NEK7: variants seen among roughly 807,000 people sequenced by gnomAD.
NEK7 encodes serine/threonine-protein kinase Nek7.
Under a neutral mutation model 44.6 loss-of-function variants are expected in NEK7, and 18 were observed. That is an observed-to-expected ratio of 0.40 (90% CI 0.28 to 0.60). NEK7 has a LOEUF of 0.60. Ranked by LOEUF, NEK7 falls within the 20% of genes least tolerant of loss-of-function variation. The probability of loss-of-function intolerance (pLI) is 0.38; values close to 1 mark genes in which losing one functional copy is unlikely to be tolerated. For missense variants in NEK7, 256 were observed against 366.5 expected, an observed-to-expected ratio of 0.70 and a Z score of 2.46; for synonymous variants, 130 against 121.1, an observed-to-expected ratio of 1.07 and a Z score of -0.48.
At chr1:198,268,581 T>C (rs932163990) in intron 5 of NEK7, among the ~76,000 whole-genome samples, 5 of 152,102 alleles carry the variant, frequency 3.3e-5, no homozygotes, top group African/African-American at 1.2e-4. Context: ...CGTTTCTCCA[T>C]CAGTCTTTAA....
intron 2 of NEK7, among the ~76,000 whole-genome samples, chr1:198,241,650 G>C (rs945434129): frequency 6.6e-6 from 1 of 152,206 alleles, no homozygotes; most frequent in Non-Finnish European, 1.5e-5. Context: ...TGGTGGGTTA[G>C]AGCATGAGCT....
At chr1:198,275,548 T>C (rs115850225) in intron 5 of NEK7, among the ~76,000 whole-genome samples, 1 of 151,314 alleles carries the variant, frequency 6.6e-6, no homozygotes, top group African/African-American at 2.4e-5. Flanking sequence ...CTGCCTTTTT[T>C]CAAGGGAAAC....
chr1:198,193,577 C>G (rs375612658), intron 1 of NEK7, among the ~76,000 whole-genome samples: 12 of 152,214 alleles, frequency 7.9e-5, no homozygotes, highest in Admixed American at 4.6e-4. Context: ...ACTGGCAAAC[C>G]GAATACAGCA....
intron 3 of NEK7, among the ~76,000 whole-genome samples, chr1:198,257,740 TTTAAAA>T (rs1453502916): frequency 6.6e-6 from 1 of 152,216 alleles, no homozygotes; most frequent in African/African-American, 2.4e-5. Context: ...GGCTTTTATC[TTTAAAA>T]TTAAAGCTTT....
chr1:198,311,362 A>T (rs1448076349), intron 9 of NEK7, among the ~76,000 whole-genome samples: 4 of 152,156 alleles, frequency 2.6e-5, no homozygotes, highest in Non-Finnish European at 5.9e-5. Context: ...TTTTGTAGAT[A>T]TACAATCATG....
chr1:198,220,543 A>G (rs2102843266), intron 1 of NEK7, among the ~76,000 whole-genome samples: 1 of 152,256 alleles, frequency 6.6e-6, no homozygotes, highest in East Asian at 1.9e-4. Flanking sequence ...GTTAAGAATG[A>G]ACTATCAACT....
chr1:198,171,048 G>A (rs1664424620), intron 1 of NEK7, among the ~76,000 whole-genome samples: 1 of 152,142 alleles, frequency 6.6e-6, no homozygotes, highest in Non-Finnish European at 1.5e-5. Flanking sequence ...TTACAGGCAT[G>A]AGCCACTGCA....
chr1:198,239,415 C>G (rs947130886), intron 2 of NEK7, among the ~76,000 whole-genome samples: 3 of 151,862 alleles, frequency 2.0e-5, no homozygotes, highest in Non-Finnish European at 2.9e-5. Flanking sequence ...AGGTGATATT[C>G]AAGGAGATTC....
rs1387952386 is a variant in NEK7 at position 198,319,642 on chromosome 1, T to G, written c.*120T>G. ...TCAGAGCTAGTGTGCTTTGAATCCT[T>G]AACCAGTTTTCATATAAGCTTCATT... On this transcript the variant is annotated 3_prime_UTR_variant, in exon 10 of 10. Transcript: ENST00000367385. The G allele has an allele frequency of 8.2e-7, 1 of 1,215,440 alleles. No individual in the cohort carries two copies. The highest frequency in any genetic ancestry group is 3.5e-5 in the Admixed American group (1 of 28,302). The allele number at this position is 1,215,440 out of a possible 1,614,324, so 75.3% of individuals were successfully genotyped here.
chr1:198,159,023 C>G (rs1030335004), intron 1 of NEK7, among the ~76,000 whole-genome samples: 2 of 151,996 alleles, frequency 1.3e-5, no homozygotes. Context: ...CTTCTCGGGG[C>G]CGGTGTGTGT....
chr1:198,316,632 T>C (rs1253888585), intron 9 of NEK7, among the ~76,000 whole-genome samples: 1 of 152,256 alleles, frequency 6.6e-6, no homozygotes, highest in Non-Finnish European at 1.5e-5. Flanking sequence ...TTCCTCACTT[T>C]CACATTTGTT....
intron 7 of NEK7, among the ~76,000 whole-genome samples, chr1:198,286,299 A>G (rs1189461902): frequency 1.3e-5 from 2 of 152,120 alleles, no homozygotes; most frequent in African/African-American, 4.8e-5. Context: ...TTAAACCTGT[A>G]TACATTGCCT....
At chr1:198,290,427 C>T (rs903781045) in intron 7 of NEK7, among the ~76,000 whole-genome samples, 1 of 152,114 alleles carries the variant, frequency 6.6e-6, no homozygotes, top group Non-Finnish European at 1.5e-5. Flanking sequence ...TTTAAATGTA[C>T]TGCAAATTTT....
intron 1 of NEK7, among the ~76,000 whole-genome samples, chr1:198,160,985 A>G (rs1387702317): frequency 6.6e-6 from 1 of 152,218 alleles, no homozygotes; most frequent in Non-Finnish European, 1.5e-5. Context: ...ATCATGAAGC[A>G]TTCCTTAATA....
chr1:198,177,592 G>A (rs1278555947), intron 1 of NEK7, among the ~76,000 whole-genome samples: 6 of 152,158 alleles, frequency 3.9e-5, no homozygotes, highest in Admixed American at 1.3e-4. Flanking sequence ...TTTAAATGTA[G>A]AAGCAAGACT....
At chr1:198,203,959 A>C (rs1665512844) in intron 1 of NEK7, among the ~76,000 whole-genome samples, 1 of 152,080 alleles carries the variant, frequency 6.6e-6, no homozygotes. Flanking sequence ...ACAATGGAAA[A>C]CTTTAGAGAT....
chr1:198,204,624 C>T (rs1558054815), intron 1 of NEK7, among the ~76,000 whole-genome samples: 3 of 147,908 alleles, frequency 2.0e-5, no homozygotes, highest in African/African-American at 7.5e-5. Flanking sequence ...GAGGCTGAGG[C>T]AGGAGAATGG....
intron 1 of NEK7, among the ~76,000 whole-genome samples, chr1:198,160,217 T>C (rs1571489920): frequency 6.6e-6 from 1 of 152,148 alleles, no homozygotes; most frequent in Admixed American, 6.5e-5. Context: ...GAACTGGGCC[T>C]GAGAGCAGGG....
chr1:198,170,925 T>TAA (rs35400123), intron 1 of NEK7, among the ~76,000 whole-genome samples: 1 of 151,444 alleles, frequency 6.6e-6, no homozygotes, highest in Non-Finnish European at 1.5e-5. Flanking sequence ...GTAGATTTCT[T>TAA]AAAAAAAAAT....
Sources: allele counts gnomAD v4.1 joint callset (sites outside exome capture counted in the v4.1 genomes callset), GRCh38; gene constraint gnomAD v4.1.1; transcripts MANE v1.5; gene names NCBI Gene and HGNC (gene_info 2026-07-23, HGNC 2026-07-21).